The following FHIT variants were observed in gnomAD, a reference collection of about 807,000 sequenced individuals.
FHIT encodes the protein fragile histidine triad diadenosine triphosphatase.
A neutral mutation model predicts 17.9 loss-of-function variants in FHIT; 19 were observed. The observed-to-expected ratio is 1.06, with a 90% CI of 0.74 to 1.56. FHIT has a LOEUF of 1.56. FHIT is among the 40% of genes most tolerant of loss of function. The probability of loss-of-function intolerance (pLI) is 0.00; values close to 1 mark genes in which losing one functional copy is unlikely to be tolerated. For missense variants in FHIT, 248 were observed against 189.2 expected, an observed-to-expected ratio of 1.31 and a Z score of -1.82; for synonymous variants, 81 against 69.7, an observed-to-expected ratio of 1.16 and a Z score of -0.81.
intron 2 of FHIT, among the ~76,000 whole-genome samples, chr3:61,078,759 C>A (rs7638403): frequency 0.85 from 129,580 of 152,160 alleles, 55,972 homozygotes; most frequent in African/African-American, 0.96. Context: ...TACCACCTAC[C>A]GCTTTTTATA....
intron 5 of FHIT, among the ~76,000 whole-genome samples, chr3:60,490,294 T>A (rs1444516828): frequency 6.6e-6 from 1 of 152,146 alleles, no homozygotes; most frequent in Non-Finnish European, 1.5e-5. Flanking sequence ...TAGACATCGT[T>A]ACTGCTTCAA....
chr3:60,560,424 T>C (rs963753159), intron 4 of FHIT, among the ~76,000 whole-genome samples: 2 of 151,966 alleles, frequency 1.3e-5, no homozygotes, highest in African/African-American at 4.8e-5. Flanking sequence ...AGCAGCCAGG[T>C]GGTAGGCAAG....
chr3:60,529,887 C>A (rs150506811), intron 5 of FHIT, among the ~76,000 whole-genome samples: 1 of 152,130 alleles, frequency 6.6e-6, no homozygotes, highest in Admixed American at 6.5e-5. Flanking sequence ...CCCTCTCCCC[C>A]AGCATACATA....
intron 8 of FHIT, among the ~76,000 whole-genome samples, chr3:59,840,911 C>T (rs1465645356): frequency 3.9e-5 from 6 of 152,226 alleles, no homozygotes; most frequent in African/African-American, 9.6e-5. Context: ...GCAGGGTGTA[C>T]ATCATTTAGC....
rs996993307 is a variant in FHIT at position 60,415,195 on chromosome 3, T to C, written c.103+121665A>G. On this transcript the variant is annotated intron_variant, in intron 5 of 9. Coordinates refer to ENST00000492590, the MANE Select transcript of FHIT (RefSeq NM_002012.4). ...CTCTTATGGATTTTGATAGAGATAA[T>C]TGAAGTTTTACTATGTGCCAGGTAC... Among the ~76,000 whole-genome samples the C allele has an allele frequency of 2.4e-4, 36 of 152,276 alleles. No individual in the cohort carries two copies. The Middle Eastern group carries it at 0.014, about 58-fold the overall frequency.
chr3:59,771,685 C>T (rs1254036337), intron 8 of FHIT, among the ~76,000 whole-genome samples: 1 of 152,212 alleles, frequency 6.6e-6, no homozygotes, highest in Non-Finnish European at 1.5e-5. Flanking sequence ...AATTACTTTC[C>T]TTCTTCAGAC....
intron 8 of FHIT, among the ~76,000 whole-genome samples, chr3:59,769,112 G>A (rs1701947771): frequency 6.6e-6 from 1 of 152,180 alleles, no homozygotes; most frequent in Non-Finnish European, 1.5e-5. Context: ...CACAGAGGTT[G>A]GCATCCTACC....
chr3:61,020,607 A>G (rs1253015786), intron 3 of FHIT, among the ~76,000 whole-genome samples: 1 of 152,222 alleles, frequency 6.6e-6, no homozygotes, highest in Admixed American at 6.5e-5. Flanking sequence ...AAAAAACTGC[A>G]TCACCTAATG....
intron 5 of FHIT, among the ~76,000 whole-genome samples, chr3:60,205,480 G>A (rs1416675347): frequency 6.6e-6 from 1 of 152,150 alleles, no homozygotes; most frequent in Non-Finnish European, 1.5e-5. Flanking sequence ...GATAAAGGTT[G>A]TTCATCACCA....
At chr3:60,318,009 C>G (rs1055575854) in intron 5 of FHIT, among the ~76,000 whole-genome samples, 1 of 152,056 alleles carries the variant, frequency 6.6e-6, no homozygotes, top group African/African-American at 2.4e-5. Flanking sequence ...CCAGGCTGGT[C>G]TCAAACCCCT....
intron 5 of FHIT, among the ~76,000 whole-genome samples, chr3:60,307,255 C>T (rs1041335964): frequency 6.6e-6 from 1 of 152,144 alleles, no homozygotes; most frequent in Non-Finnish European, 1.5e-5. Flanking sequence ...GAAGTCTTAA[C>T]AGAAAAGTCA....
chr3:60,483,405 TG>T (rs1274986768), intron 5 of FHIT, among the ~76,000 whole-genome samples: 6 of 152,218 alleles, frequency 3.9e-5, no homozygotes, highest in Non-Finnish European at 8.8e-5. Context: ...ATATCCCTGA[TG>T]AGCATCAATG....
chr3:59,912,080 C>T (rs188833886), intron 8 of FHIT, among the ~76,000 whole-genome samples: 11 of 152,160 alleles, frequency 7.2e-5, no homozygotes, highest in Admixed American at 5.2e-4. Context: ...CCTATGCCTC[C>T]GTTTCTACAC....
At chr3:59,762,587 C>T (rs1446232038) in intron 8 of FHIT, among the ~76,000 whole-genome samples, 1 of 152,168 alleles carries the variant, frequency 6.6e-6, no homozygotes, top group Non-Finnish European at 1.5e-5. Context: ...GTCTAGTGCT[C>T]TTCTGATCCA....
chr3:60,629,709 C>CTTCCTGTT (rs2039389350), intron 4 of FHIT, among the ~76,000 whole-genome samples: 1 of 152,156 alleles, frequency 6.6e-6, no homozygotes, highest in Admixed American at 6.6e-5. Flanking sequence ...GAATAATGCC[C>CTTCCTGTT]TTCCTGTTTT....
At chr3:59,932,506 G>A (rs1706023131) in intron 7 of FHIT, among the ~76,000 whole-genome samples, 1 of 152,160 alleles carries the variant, frequency 6.6e-6, no homozygotes, top group Non-Finnish European at 1.5e-5. Context: ...ACTAGGAAAG[G>A]GAGCTGTTGT....
chr3:60,809,205 T>A (rs1553735356), intron 4 of FHIT, among the ~76,000 whole-genome samples: 1 of 152,326 alleles, frequency 6.6e-6, no homozygotes, highest in East Asian at 1.9e-4. Context: ...TATCATTAAA[T>A]ATGACATTGT....
intron 7 of FHIT, among the ~76,000 whole-genome samples, chr3:59,974,420 C>T (rs1708320231): frequency 6.6e-6 from 1 of 152,158 alleles, no homozygotes; most frequent in African/African-American, 2.4e-5. Flanking sequence ...TACCTACTGG[C>T]TTCAGCACCA....
intron 3 of FHIT, among the ~76,000 whole-genome samples, chr3:60,827,992 A>C (rs1447928601): frequency 2.0e-5 from 3 of 152,212 alleles, no homozygotes; most frequent in Non-Finnish European, 4.4e-5. Context: ...GCACAGGGAT[A>C]TATTTTGGAT....
Sources: gnomAD v4.1 joint callset for allele counts (sites outside exome capture counted in the v4.1 genomes callset) on GRCh38, gnomAD v4.1.1 for gene constraint, MANE v1.5 for transcripts, NCBI Gene and HGNC (gene_info 2026-07-23, HGNC 2026-07-21) for gene names.